The following ZNF676 variants were observed in gnomAD, a reference collection of about 807,000 sequenced individuals.
The protein encoded by ZNF676 is zinc finger protein 676.
In ZNF676, 4 loss-of-function variants were observed where a neutral mutation model predicts 6.0. The ratio of observed to expected loss-of-function variants is 0.67; its 90% confidence interval spans 0.33 to 1.53. The LOEUF (loss-of-function observed/expected upper bound fraction) is 1.53. Ranked by LOEUF, ZNF676 falls within the 40% of genes most tolerant of loss-of-function variation. The probability of loss-of-function intolerance (pLI) is 0.06; values close to 1 mark genes in which losing one functional copy is unlikely to be tolerated. For synonymous variants in ZNF676, 198 were observed against 223.1 expected, an observed-to-expected ratio of 0.89 and a Z score of 1.00; for missense variants, 644 against 679.7, an observed-to-expected ratio of 0.95 and a Z score of 0.58.
At chr19:22,194,007 T>A (rs554078321) in intron 1 of ZNF676, among the ~76,000 whole-genome samples, 5 of 152,254 alleles carry the variant, frequency 3.3e-5, no homozygotes, top group Non-Finnish European at 5.9e-5. Context: ...GCAAGAAATG[T>A]GTGCAGATCA....
At chr19:22,190,358 T>C (rs1031695732) in intron 2 of ZNF676, among the ~76,000 whole-genome samples, 2 of 151,848 alleles carry the variant, frequency 1.3e-5, no homozygotes, top group Non-Finnish European at 2.9e-5. Flanking sequence ...GTAATAATAC[T>C]GTAAAGATGT....
chr19:22,222,420 TA>T, the ZNF676 span, among the ~76,000 whole-genome samples: 1 of 152,144 alleles, frequency 6.6e-6, no homozygotes, highest in African/African-American at 2.4e-5. Context: ...ATGTACTGTT[TA>T]TGTTTTTTTT....
At chr19:22,215,962 G>A (rs931787954), upstream of ZNF676, among the ~76,000 whole-genome samples, 7 of 152,218 alleles carry the variant, frequency 4.6e-5, no homozygotes, top group African/African-American at 1.7e-4. Flanking sequence ...TTTTCAGGCA[G>A]GGCTTCCTCC....
At chr19:22,213,131 G>GT (rs1269682497) in intron 1 of ZNF676, among the ~76,000 whole-genome samples, 1 of 152,148 alleles carries the variant, frequency 6.6e-6, no homozygotes, top group African/African-American at 2.4e-5. Context: ...ACCCCATCCT[G>GT]TTCACTTAAG....
chr19:22,231,542 A>G, the ZNF676 span, among the ~76,000 whole-genome samples: 1 of 88,194 alleles, frequency 1.1e-5, no homozygotes, highest in African/African-American at 5.9e-5. Context: ...TAGATATTCT[A>G]TGCAAATATT....
intron 1 of ZNF676, among the ~76,000 whole-genome samples, chr19:22,210,495 A>T (rs898977227): frequency 5.9e-5 from 9 of 152,250 alleles, no homozygotes; most frequent in African/African-American, 1.9e-4. Flanking sequence ...TTCAAATAAA[A>T]TATACAACCC....
the ZNF676 span, chr19:22,245,333 T>C: frequency 6.4e-4 from 97 of 152,264 alleles, 1 homozygote; most frequent in African/African-American, 2.0e-3. Flanking sequence ...GTGTGCTGGG[T>C]CCAGTGATGA....
chr19:22,191,250 G>A (rs2077477887), intron 2 of ZNF676, among the ~76,000 whole-genome samples: 1 of 152,160 alleles, frequency 6.6e-6, no homozygotes, highest in Non-Finnish European at 1.5e-5. Flanking sequence ...CAGAAGGCAA[G>A]CTTTCATTCA....
chr19:22,182,585 T>TAAAAAAAAAAAAAAAA (rs67699215), intron 2 of ZNF676, among the ~76,000 whole-genome samples: 219 of 44,754 alleles, frequency 4.9e-3, no homozygotes, highest in Middle Eastern at 0.025. Context: ...GTCAAAGTTC[T>TAAAAAAAAAAAAAAAA]AAAAAAAAAA....
chr19:22,182,501 T>G (rs952880531), intron 2 of ZNF676, among the ~76,000 whole-genome samples: 13 of 124,172 alleles, frequency 1.0e-4, no homozygotes, highest in African/African-American at 1.5e-4. Flanking sequence ...ATGAGAAAAA[T>G]GAGGATAAGA....
At chr19:22,235,515 G>A in the ZNF676 span, among the ~76,000 whole-genome samples, 1 of 152,134 alleles carries the variant, frequency 6.6e-6, no homozygotes, top group Non-Finnish European at 1.5e-5. Flanking sequence ...TACCTTAGAA[G>A]GAATATCTTG....
the ZNF676 span, among the ~76,000 whole-genome samples, chr19:22,233,598 A>G: frequency 6.8e-6 from 1 of 148,020 alleles, no homozygotes; most frequent in Non-Finnish European, 1.5e-5. Context: ...TCTTCTTAAT[A>G]GTCTTCACTT....
the ZNF676 span, among the ~76,000 whole-genome samples, chr19:22,258,974 T>C: frequency 7.4e-3 from 1,130 of 152,222 alleles, 1 homozygote; most frequent in African/African-American, 0.025. Flanking sequence ...GAGCTTCTAT[T>C]TGTCCTGCAC....
At chr19:22,200,707 C>T (rs111405458), upstream of ZNF676, among the ~76,000 whole-genome samples, 782 of 151,912 alleles carry the variant, frequency 5.1e-3, 5 homozygotes, top group African/African-American at 0.018. Flanking sequence ...TTATTCAACA[C>T]ATTATTCAAT....
chr19:22,216,749 G>A (rs1292120339), upstream of ZNF676, among the ~76,000 whole-genome samples: 6 of 150,854 alleles, frequency 4.0e-5, no homozygotes, highest in East Asian at 2.0e-4. Context: ...TCAGCCTCCC[G>A]AGTAGCTGGG....
the ZNF676 span, among the ~76,000 whole-genome samples, chr19:22,230,984 T>C: frequency 6.6e-6 from 1 of 152,022 alleles, no homozygotes; most frequent in East Asian, 1.9e-4. Flanking sequence ...ATTATTTTCT[T>C]GGATAGATAT....
In ZNF676 at chr19:22,180,366, A is replaced by G. The variant is rs890413187; in HGVS notation, c.1351T>C (p.Cys451Arg). ...GTGAAGGCTTTGCCACATTCTTCAC[A>G]TTTGTAGGGTTTCTCTCCAGCATGA... is the stretch of plus-strand genomic sequence containing the variant. The part of the protein sequence containing the change: ...RIHAGEKPYK[C>R]EECGKAFTWS... The change falls in exon 3 of 3, where the codon TGT becomes CGT. Residue 451 changes from cysteine to arginine, a missense_variant. Cys to Arg is a radical substitution (Grantham distance 180). This residue lies in a region of ZNF676 where 306 missense variants were observed against 265.4 expected (regional missense o/e 1.15). Transcript: ENST00000397121. 1 of 1,613,732 alleles carries G rather than the reference A, an allele frequency of 6.2e-7. No homozygotes were observed. Among genetic ancestry groups the G allele is most frequent in the Non-Finnish European group, 8.5e-7 (1 of 1,179,914 alleles).
intron 2 of ZNF676, among the ~76,000 whole-genome samples, chr19:22,183,650 A>T (rs1313254153): frequency 2.0e-5 from 3 of 152,226 alleles, no homozygotes; most frequent in African/African-American, 4.8e-5. Flanking sequence ...TATTTAAAAA[A>T]TTTTAAATAT....
intron 2 of ZNF676, among the ~76,000 whole-genome samples, chr19:22,190,988 C>T (rs2023900083): frequency 2.6e-5 from 4 of 152,148 alleles, no homozygotes; most frequent in Admixed American, 2.6e-4. Context: ...TAACCCCCAA[C>T]AGCAAGAAAG....
Sources: allele counts gnomAD v4.1 joint callset (sites outside exome capture counted in the v4.1 genomes callset), GRCh38; gene constraint gnomAD v4.1.1; regional missense constraint gnomAD v4.1.1; transcripts MANE v1.5; gene names NCBI Gene and HGNC (gene_info 2026-07-23, HGNC 2026-07-21).